MGAM: variants seen among roughly 807,000 people sequenced by gnomAD.
MGAM encodes alpha-1,4-glucosidase.
Under a neutral mutation model 358.8 loss-of-function variants are expected in MGAM, and 253 were observed. The ratio of observed to expected loss-of-function variants is 0.71; its 90% CI spans 0.64 to 0.78. The LOEUF (loss-of-function observed/expected upper bound fraction) is 0.78. Among genes scored for constraint, MGAM ranks in the 30% least tolerant of loss-of-function variants. The pLI is 0.00. For missense variants in MGAM, 3,080 were observed against 3,432.6 expected (o/e 0.90, Z 2.57); for synonymous variants, 1,105 against 1,227.1 (o/e 0.90, Z 2.08).
chr7:142,012,248 C>A (rs1229686681), intron 3 of MGAM, among the ~76,000 whole-genome samples: 1 of 152,076 alleles, frequency 6.6e-6, no homozygotes, highest in African/African-American at 2.4e-5. Flanking sequence ...AGTAATTTAT[C>A]AAACACAGAA....
chr7:142,101,097 C>A (rs537445582), intron 68 of MGAM, among the ~76,000 whole-genome samples: 3 of 152,204 alleles, frequency 2.0e-5, no homozygotes, highest in Non-Finnish European at 4.4e-5. Context: ...TCCCATTATG[C>A]AACCTTTGTA....
In MGAM at chr7:142,050,248, T is replaced by G. The variant is rs2961087; in HGVS notation, c.2601T>G (p.Asn867Lys). The change falls in exon 23 of 71, where the codon AAT (asparagine) becomes AAG (lysine). Residue 867 changes from asparagine to lysine, a missense_variant. This residue lies in a region of MGAM where 1,816 missense variants were observed against 1,840.5 expected (regional missense o/e 0.99). Transcript: ENST00000475668. ...TCTCACTTTCAGATACTGTGGCCAA[T>G]AAAGTGTATCTTTTATGTGAGTTTT... is the stretch of plus-strand genomic sequence containing the variant. ...DNGETKDTVANKVYLLCEFSV... is the reference protein window; with the variant it reads ...DNGETKDTVAKKVYLLCEFSV... The G allele has an allele frequency of 2.5e-6, 4 of 1,613,738 alleles. No individual in the cohort carries two copies. The South Asian group carries it at 4.4e-5, about 18-fold the overall frequency.
chr7:142,006,808 T>C (rs1349911704), intron 2 of MGAM, among the ~76,000 whole-genome samples: 1 of 152,130 alleles, frequency 6.6e-6, no homozygotes, highest in Non-Finnish European at 1.5e-5. Flanking sequence ...AATTGAGACA[T>C]CTGTGGTTTT....
At chr7:142,016,077 A>G (rs1805937531) in intron 3 of MGAM, among the ~76,000 whole-genome samples, 1 of 152,210 alleles carries the variant, frequency 6.6e-6, no homozygotes, top group Admixed American at 6.5e-5. Flanking sequence ...GTTCATGGAT[A>G]AGACTCGGCT....
chr7:142,045,620 C>T lies in MGAM; in HGVS notation c.2499-2165C>T, dbSNP rs1225502588. Among the ~76,000 whole-genome samples, 5 of 102,592 alleles carry T rather than the reference C, an allele frequency of 4.9e-5. No homozygotes were observed. The South Asian group carries it at 1.4e-3, about 28-fold the overall frequency. The allele number at this position is 102,592 out of a possible 152,430, so 67.3% of individuals were successfully genotyped here. A position where few individuals can be genotyped will look rare whatever the true frequency, so the allele number is the denominator to read the frequency against. ...ATGAATATATAATATATATTATATA[C>T]ATACAATATATGAATATATAATATA... On this transcript the variant is annotated intron_variant, in intron 21 of 70. Coordinates refer to ENST00000475668, the MANE Select transcript of MGAM (RefSeq NM_001365693.1).
intron 3 of MGAM, among the ~76,000 whole-genome samples, chr7:142,011,348 A>G (rs1805576144): frequency 6.6e-6 from 1 of 152,190 alleles, no homozygotes; most frequent in Admixed American, 6.5e-5. Flanking sequence ...CAGCAAGGGT[A>G]TTGCATTTTG....
rs782764005 is a variant in MGAM, at chr7:142,034,804, C to G, written c.1922C>G (p.Pro641Arg). 15 of 1,613,338 alleles carry G rather than the reference C, an allele frequency of 9.3e-6. No individual in the cohort carries two copies. Among genetic ancestry groups the G allele is most frequent in the Admixed American group, 3.3e-5 (2 of 59,946 alleles). ...TGGGATGACCTGAGATGGTCCATCC[C>G]TGGCGTGCTTGAGTTCAACCTTTTT... ...ATWDDLRWSI[P>R]GVLEFNLFGI... Residue 641 changes from proline (P) to arginine (R), a missense_variant, in exon 16 of 71, where the codon CCT becomes CGT. By Grantham distance (103) the Pro-to-Arg change is moderately radical. This residue lies in a region of MGAM where 1,816 missense variants were observed against 1,840.5 expected (regional missense o/e 0.99). Transcript: ENST00000475668.
chr7:142,014,470 G>A (rs1527308), intron 3 of MGAM, among the ~76,000 whole-genome samples: 66,352 of 151,660 alleles, frequency 0.44, 15,733 homozygotes, highest in East Asian at 0.66. Context: ...TTTCTATATA[G>A]CGTTAACTTC....
At chr7:142,041,988 A>T (rs1441096148) in intron 21 of MGAM, among the ~76,000 whole-genome samples, 3 of 12,504 alleles carry the variant, frequency 2.4e-4, no homozygotes, top group African/African-American at 3.2e-4. Flanking sequence ...ATATAATATA[A>T]TATATATATA....
Position 142,008,636 on chromosome 7 carries a change from TTC to T in MGAM, c.260_261del (p.Ser87CysfsTer2). On this transcript the variant is annotated frameshift_variant, in exon 3 of 71. Transcript: ENST00000475668. LOFTEE classifies it high-confidence loss of function. ...DPGTTGTTPV[S>X]AECPVVNELE... ...CTGGAACAACTGGTACCACTCCTGT[TTC>T]TGCTGAATGTCCAGTGGTAAATGAA... 2.5e-6 allele frequency: 4 copies of T among 1,613,578 alleles called. No individual in the cohort carries two copies. Among genetic ancestry groups the T allele is most frequent in the Non-Finnish European group, 3.4e-6 (4 of 1,179,676 alleles).
At chr7:142,010,813 G>T (rs1325801587) in intron 3 of MGAM, among the ~76,000 whole-genome samples, 3 of 152,064 alleles carry the variant, frequency 2.0e-5, no homozygotes, top group African/African-American at 7.2e-5. Context: ...ATACTTCTAT[G>T]CAGATTTTAA....
chr7:142,059,077 A>G (rs781295893), intron 31 of MGAM, among the ~76,000 whole-genome samples: 1 of 152,188 alleles, frequency 6.6e-6, no homozygotes, highest in African/African-American at 2.4e-5. Context: ...TAGATTTACT[A>G]TTAGTCCTGG....
intron 30 of MGAM, among the ~76,000 whole-genome samples, chr7:142,057,744 CACTTG>C (rs765550570): frequency 1.3e-5 from 2 of 152,106 alleles, no homozygotes; most frequent in Admixed American, 6.5e-5. Flanking sequence ...ACTGATTTAT[CACTTG>C]CTGCATGTTA....
intron 4 of MGAM, among the ~76,000 whole-genome samples, chr7:142,019,916 A>G (rs1316735655): frequency 6.6e-6 from 1 of 152,150 alleles, no homozygotes; most frequent in Non-Finnish European, 1.5e-5. Context: ...TAAAAATATA[A>G]AAATTAGCCA....
In MGAM at chr7:142,105,872, C is replaced by T. The variant is rs370916883; in HGVS notation, c.8243C>T (p.Thr2748Met). 548 of 1,611,422 alleles carry T rather than the reference C, an allele frequency of 3.4e-4. 7 individuals carry two copies. The South Asian group carries it at 4.9e-3, about 14-fold the overall frequency. ...AGCCTACATAATTTTACTTCATTGA[C>T]GTGGATAAGCACTCTGTGAATTTTT... ...NISLHNFTSLTWISTL is the reference protein window; with the variant it reads ...NISLHNFTSLMWISTL Residue 2748 changes from threonine (T) to methionine (M), a missense_variant, in exon 71 of 71, where the codon ACG becomes ATG. This residue lies in a region of MGAM where 194 missense variants were observed against 172.8 expected (regional missense o/e 1.12). Transcript: ENST00000475668.
chr7:142,011,467 A>G (rs1191465080), intron 3 of MGAM, among the ~76,000 whole-genome samples: 1 of 152,132 alleles, frequency 6.6e-6, no homozygotes, highest in Non-Finnish European at 1.5e-5. Flanking sequence ...TAAAAACTTA[A>G]AGTCTTAAAA....
rs369299978 is a variant in MGAM at position 142,096,743 on chromosome 7, C to T, written c.7692+328C>T. 3.3e-5 allele frequency among the ~76,000 whole-genome samples: 5 copies of T among 152,286 alleles called. No homozygotes were observed. In the East Asian group the frequency reaches 5.8e-4, roughly 18 times the overall value. On this transcript the variant is annotated intron_variant, in intron 65 of 70. Coordinates refer to ENST00000475668, the MANE Select transcript of MGAM (RefSeq NM_001365693.1). ...GGGCAGTATTGTAAAGAATTCATAA[C>T]AGTCCTCTAGCACTATTACAACTTT...
chr7:142,054,788 C>T lies in MGAM; in HGVS notation c.3194C>T (p.Pro1065Leu). ...CCCAACAAGAATCGGTATGAAGTTCCAGTCCCTCTGAACATACCCAGCATG... is the reference window on the plus strand; with the variant it reads ...CCCAACAAGAATCGGTATGAAGTTCTAGTCCCTCTGAACATACCCAGCATG... Reference protein sequence around the residue: ...YDPNKNRYEVPVPLNIPSMPS... With the variant: ...YDPNKNRYEVLVPLNIPSMPS... The change falls in exon 27 of 71, where the codon CCA (proline) becomes CTA (leucine). Residue 1065 changes from proline to leucine, a missense_variant. Physicochemically the swap from Pro to Leu is moderately conservative, Grantham distance 98 (BLOSUM62 -3). This residue lies in a region of MGAM where 1,816 missense variants were observed against 1,840.5 expected (regional missense o/e 0.99). Transcript: ENST00000475668. 1 of 1,613,878 alleles carries T rather than the reference C, an allele frequency of 6.2e-7. No individual in the cohort carries two copies.
rs1554453306 is a variant in MGAM, at chr7:142,008,605, C to A, written c.227C>A (p.Pro76Gln). ...GTTHARTTGPPDPGTTGTTPV... is the reference protein window; with the variant it reads ...GTTHARTTGPQDPGTTGTTPV... ...ACACATGCTAGGACAACGGGTCCCC[C>A]AGATCCTGGAACAACTGGTACCACT... The change falls in exon 3 of 71, where the codon CCA (proline) becomes CAA (glutamine). Residue 76 changes from proline (P) to glutamine (Q), a missense_variant. Transcript: ENST00000475668. The A allele has an allele frequency of 1.2e-6, 2 of 1,613,448 alleles. No homozygotes were observed. Among genetic ancestry groups the A allele is most frequent in the East Asian group, 4.5e-5 (2 of 44,864 alleles).
Sources: allele counts gnomAD v4.1 joint callset (sites outside exome capture counted in the v4.1 genomes callset), GRCh38; gene constraint gnomAD v4.1.1; regional missense constraint gnomAD v4.1.1; transcripts MANE v1.5; gene names NCBI Gene and HGNC (gene_info 2026-07-23, HGNC 2026-07-21).